The following AFF1 variants were observed in gnomAD, a reference collection of about 807,000 sequenced individuals.
The protein encoded by AFF1 is AF4/FMR2 family member 1.
In AFF1, 48 loss-of-function variants were observed where a neutral mutation model predicts 121.7. That is an observed-to-expected ratio of 0.39 (90% CI 0.31 to 0.50). AFF1 has a LOEUF of 0.50. AFF1 is among the 20% of genes least tolerant of loss of function. The probability of loss-of-function intolerance (pLI) is 0.76; values close to 1 mark genes in which losing one functional copy is unlikely to be tolerated. For synonymous variants in AFF1, 613 were observed against 563.0 expected (o/e 1.09, Z -1.26); for missense variants, 1,523 against 1,511.7 (o/e 1.01, Z -0.12).
chr4:87,018,569 G>A (rs908900226), intron 2 of AFF1, among the ~76,000 whole-genome samples: 3 of 152,206 alleles, frequency 2.0e-5, no homozygotes, highest in African/African-American at 7.2e-5. Context: ...ACGCTGGAGT[G>A]CAGTGGCACC....
At chr4:87,124,983 T>G (rs1578306275) in intron 12 of AFF1, 54 bp from the exon 13 acceptor site, 2 of 1,425,054 alleles carry the variant, frequency 1.4e-6, no homozygotes, top group East Asian at 4.8e-5. Flanking sequence ...CTTTTCTGTT[T>G]TGTCTGTACA....
chr4:87,029,224 CTG>C (rs1288574987), intron 2 of AFF1, among the ~76,000 whole-genome samples: 1 of 152,120 alleles, frequency 6.6e-6, no homozygotes, highest in Non-Finnish European at 1.5e-5. Flanking sequence ...AGTTGGGAAT[CTG>C]TGATTAGGCT....
chr4:87,119,359 G>A (rs1727442599), intron 12 of AFF1, among the ~76,000 whole-genome samples: 1 of 152,026 alleles, frequency 6.6e-6, no homozygotes, highest in Non-Finnish European at 1.5e-5. Context: ...CGGGTGGATT[G>A]CTTGAGCCCA....
chr4:87,042,856 T>C (rs1193448257), intron 2 of AFF1, among the ~76,000 whole-genome samples: 1 of 152,250 alleles, frequency 6.6e-6, no homozygotes, highest in Non-Finnish European at 1.5e-5. Flanking sequence ...GTTATTTCTG[T>C]GGCAATTTTC....
intron 2 of AFF1, 41 bp from the exon 3 acceptor site, chr4:87,046,125 T>C (rs1349213693): frequency 1.2e-6 from 2 of 1,607,232 alleles, no homozygotes; most frequent in East Asian, 4.5e-5. Flanking sequence ...TGGAGACTGA[T>C]AAATTTTATT....
At chr4:86,971,699 G>A (rs1722959569) in intron 2 of AFF1, among the ~76,000 whole-genome samples, 1 of 152,212 alleles carries the variant, frequency 6.6e-6, no homozygotes, top group African/African-American at 2.4e-5. Flanking sequence ...GGAGCTTACA[G>A]TCTATTGGAC....
Position 86,979,080 on chromosome 4 carries a change from C to T in AFF1, c.38+30509C>T, listed in dbSNP as rs550498918. On this transcript the variant is annotated intron_variant, in intron 2 of 20. Transcript: ENST00000395146. The stretch of plus-strand genomic sequence containing the variant: ...TCAAACCACTGGAATCACTGAATAC[C>T]GTCTCCTTTGCCTCTGCCTCTCTTT... Among the ~76,000 whole-genome samples, 4 of 152,164 alleles carry T rather than the reference C, an allele frequency of 2.6e-5. No homozygotes were observed. In the South Asian group the frequency reaches 8.3e-4, roughly 32 times the overall value.
intron 2 of AFF1, among the ~76,000 whole-genome samples, chr4:87,031,939 C>T (rs1015461651): frequency 1.3e-5 from 2 of 152,156 alleles, no homozygotes; most frequent in Admixed American, 1.3e-4. Context: ...TAGAGGGATG[C>T]TTTAAGATTG....
At chr4:86,988,639 G>A (rs1001069394) in intron 2 of AFF1, among the ~76,000 whole-genome samples, 4 of 152,182 alleles carry the variant, frequency 2.6e-5, no homozygotes, top group Non-Finnish European at 4.4e-5. Flanking sequence ...TAGATTCAAT[G>A]CTGTCCCCAT....
chr4:87,095,061 G>A (rs1051919054), intron 8 of AFF1, 92 bp downstream of exon 8: 7 of 1,211,250 alleles, frequency 5.8e-6, no homozygotes, highest in Non-Finnish European at 8.4e-6. Flanking sequence ...CTGCCTTTAT[G>A]TAATGACATT....
chr4:86,954,523 C>T (rs1721602897), intron 2 of AFF1, among the ~76,000 whole-genome samples: 5 of 152,102 alleles, frequency 3.3e-5, no homozygotes, highest in Admixed American at 2.6e-4. Context: ...GGAATTCATT[C>T]GAGACCAGCC....
chr4:87,033,465 A>G (rs914380944), intron 2 of AFF1, among the ~76,000 whole-genome samples: 2 of 152,166 alleles, frequency 1.3e-5, no homozygotes, highest in African/African-American at 4.8e-5. Flanking sequence ...GGAATGGTAA[A>G]TCCTGTCCTG....
intron 2 of AFF1, among the ~76,000 whole-genome samples, chr4:87,009,480 A>G (rs1726507552): frequency 6.6e-6 from 1 of 152,244 alleles, no homozygotes; most frequent in South Asian, 2.1e-4. Flanking sequence ...AGCAATTAAA[A>G]TAGGAGAATT....
At chr4:87,132,239 A>G in intron 18 of AFF1, 32 bp from the exon 19 acceptor site, 1 of 1,601,282 alleles carries the variant, frequency 6.2e-7, no homozygotes, top group Non-Finnish European at 8.5e-7. Context: ...TATGATAGTC[A>G]CGTGCAGTTT....
intron 5 of AFF1, among the ~76,000 whole-genome samples, chr4:87,084,958 A>T (rs1723571887): frequency 1.3e-5 from 2 of 152,230 alleles, no homozygotes; most frequent in Non-Finnish European, 2.9e-5. Context: ...GGCCTCATAC[A>T]TACAGCCTTT....
chr4:87,102,679 A>G (rs1304410471), intron 8 of AFF1, among the ~76,000 whole-genome samples: 1 of 152,234 alleles, frequency 6.6e-6, no homozygotes, highest in Non-Finnish European at 1.5e-5. Flanking sequence ...TAGACAGAAT[A>G]TAAAAGGTGA....
chr4:87,019,590 G>T (rs1162559526), intron 2 of AFF1, among the ~76,000 whole-genome samples: 6 of 152,162 alleles, frequency 3.9e-5, no homozygotes, highest in Non-Finnish European at 8.8e-5. Context: ...GGCCCAAGAG[G>T]ACTGGGTCTC....
intron 3 of AFF1, 113 bp from the exon 4 acceptor site, chr4:87,046,582 C>A: frequency 8.6e-7 from 1 of 1,159,662 alleles, no homozygotes; most frequent in Non-Finnish European, 1.2e-6. Flanking sequence ...TTAAATTCTA[C>A]ATGTCGTACA....
At position 87,133,128 on chromosome 4, in the gene AFF1, C is replaced by A. The variant is rs146844976; in HGVS notation, c.3311+720C>A. Among the ~76,000 whole-genome samples the A allele has an allele frequency of 6.8e-3, 1,029 of 152,332 alleles. 13 individuals are homozygous for A. The highest frequency in any genetic ancestry group is 0.023 in the African/African-American group (977 of 41,576). ...TGGCATTTCAGTAAACAAGAAATTT[C>A]CAGAGCCATATGCCACACCAGCAAT... On this transcript the variant is annotated intron_variant, in intron 19 of 20. Transcript: ENST00000395146.
Sources: gnomAD v4.1 joint callset for allele counts (sites outside exome capture counted in the v4.1 genomes callset) on GRCh38, gnomAD v4.1.1 for gene constraint, MANE v1.5 for transcripts, NCBI Gene and HGNC (gene_info 2026-07-23, HGNC 2026-07-21) for gene names.